The following SLCO3A1 variants were observed in gnomAD, a reference collection of about 807,000 sequenced individuals.
SLCO3A1 encodes the protein PGE1 transporter.
SLCO3A1 carries 27 observed loss-of-function variants against 63.1 expected under a neutral mutation model. That is an observed-to-expected ratio of 0.43 (90% CI 0.32 to 0.59). The LOEUF (loss-of-function observed/expected upper bound fraction) is 0.59. Among genes scored for constraint, SLCO3A1 ranks in the 20% least tolerant of loss-of-function variants. SLCO3A1 has a pLI of 0.09. For missense variants in SLCO3A1, 773 were observed against 945.8 expected (o/e 0.82, Z 2.40); for synonymous variants, 473 against 409.9 (o/e 1.15, Z -1.86).
chr15:91,964,723 A>T (rs7179815), intron 2 of SLCO3A1, among the ~76,000 whole-genome samples: 62,867 of 151,690 alleles, frequency 0.41, 13,144 homozygotes, highest in African/African-American at 0.44. Flanking sequence ...CTGGGTACTA[A>T]CATCCTTTAA....
chr15:92,016,617 G>A (rs2046441234), intron 2 of SLCO3A1, among the ~76,000 whole-genome samples: 1 of 152,200 alleles, frequency 6.6e-6, no homozygotes, highest in Non-Finnish European at 1.5e-5. Context: ...ACTATTGCAT[G>A]GCTTAAAGAA....
chr15:92,145,641 GTT>G (rs2048211923), intron 7 of SLCO3A1, among the ~76,000 whole-genome samples: 2 of 152,096 alleles, frequency 1.3e-5, no homozygotes, highest in African/African-American at 4.8e-5. Context: ...TCTGAGCTGG[GTT>G]TTGACAAAGA....
chr15:91,946,792 G>A (rs1899820667), intron 2 of SLCO3A1, among the ~76,000 whole-genome samples: 1 of 152,262 alleles, frequency 6.6e-6, no homozygotes, highest in East Asian at 1.9e-4. Flanking sequence ...AAGGCCAAGG[G>A]GTAAGAGCAA....
At chr15:92,061,823 G>C (rs202038599) in intron 2 of SLCO3A1, among the ~76,000 whole-genome samples, 3 of 151,796 alleles carry the variant, frequency 2.0e-5, no homozygotes, top group Non-Finnish European at 4.4e-5. Context: ...GTTTGTTTGT[G>C]GATGCACATG....
intron 2 of SLCO3A1, among the ~76,000 whole-genome samples, chr15:92,086,229 T>C (rs535992958): frequency 6.6e-6 from 1 of 152,298 alleles, no homozygotes; most frequent in South Asian, 2.1e-4. Context: ...CAAGGTGTTG[T>C]CCAATTTACA....
chr15:92,028,771 G>A (rs914312864), intron 2 of SLCO3A1, among the ~76,000 whole-genome samples: 2 of 152,166 alleles, frequency 1.3e-5, no homozygotes, highest in African/African-American at 4.8e-5. Flanking sequence ...TTTTCCATTA[G>A]ATCCGAAGCC....
chr15:92,016,250 TAGATTAGATAGATAGA>T (rs2046430423), intron 2 of SLCO3A1, among the ~76,000 whole-genome samples: 1 of 55,522 alleles, frequency 1.8e-5, no homozygotes, highest in African/African-American at 1.1e-4. Flanking sequence ...GATAGATAGA[TAGATTAGATAGATAGA>T]TAGATAGATA....
At chr15:91,970,793 A>G (rs1722637897) in intron 2 of SLCO3A1, among the ~76,000 whole-genome samples, 1 of 152,116 alleles carries the variant, frequency 6.6e-6, no homozygotes, top group Non-Finnish European at 1.5e-5. Flanking sequence ...CAGTCTTCTC[A>G]GGCTAGAAGA....
intron 2 of SLCO3A1, among the ~76,000 whole-genome samples, chr15:91,938,922 G>A (rs1347856011): frequency 6.6e-6 from 1 of 152,210 alleles, no homozygotes; most frequent in Non-Finnish European, 1.5e-5. Flanking sequence ...GTAGGGAAGG[G>A]CAGGCCCCCA....
exon 11 of SLCO3A1, chr15:92,171,911 A>C: frequency 7.1e-7 from 1 of 1,401,106 alleles, no homozygotes; most frequent in Non-Finnish European, 9.9e-7. Flanking sequence ...ACCACCACCC[A>C]CAGACCTCGC....
intron 2 of SLCO3A1, among the ~76,000 whole-genome samples, chr15:92,014,550 G>A (rs753137474): frequency 7.2e-5 from 11 of 152,232 alleles, no homozygotes; most frequent in Non-Finnish European, 1.2e-4. Context: ...GGGGCCTAAT[G>A]GCTAAAAAGC....
intron 1 of SLCO3A1, among the ~76,000 whole-genome samples, chr15:91,914,886 T>A (rs959243568): frequency 6.6e-6 from 1 of 152,176 alleles, no homozygotes; most frequent in Non-Finnish European, 1.5e-5. Flanking sequence ...CTATTTTCTC[T>A]TCCATGATGA....
downstream of SLCO3A1, among the ~76,000 whole-genome samples, chr15:92,166,297 G>C (rs574691222): frequency 6.6e-6 from 1 of 152,118 alleles, no homozygotes; most frequent in Non-Finnish European, 1.5e-5. Context: ...CGGTCCCCCC[G>C]AGGAGCTTGC....
At chr15:91,855,750 A>G (rs1896901179) in intron 1 of SLCO3A1, among the ~76,000 whole-genome samples, 1 of 152,160 alleles carries the variant, frequency 6.6e-6, no homozygotes. Context: ...TTAATAAAAT[A>G]TATGTGGGTC....
intron 2 of SLCO3A1, among the ~76,000 whole-genome samples, chr15:92,037,758 C>T (rs965297145): frequency 6.6e-6 from 1 of 152,212 alleles, no homozygotes; most frequent in Non-Finnish European, 1.5e-5. Context: ...CTTGCTCCAG[C>T]AGTTCATTCA....
At chr15:92,170,597 G>A (rs1029040129), downstream of SLCO3A1, among the ~76,000 whole-genome samples, 3 of 152,202 alleles carry the variant, frequency 2.0e-5, no homozygotes, top group Non-Finnish European at 2.9e-5. Context: ...CACGGAACTA[G>A]CTTCTTATGA....
At chr15:92,002,150 C>T (rs2046262993) in intron 2 of SLCO3A1, among the ~76,000 whole-genome samples, 1 of 152,116 alleles carries the variant, frequency 6.6e-6, no homozygotes, top group African/African-American at 2.4e-5. Flanking sequence ...GATTTTTAAC[C>T]TATGGAGTGG....
intron 2 of SLCO3A1, among the ~76,000 whole-genome samples, chr15:92,038,881 G>A (rs992018996): frequency 1.3e-5 from 2 of 152,106 alleles, no homozygotes; most frequent in African/African-American, 4.8e-5. Context: ...AACCAAAACA[G>A]CATGGTACTG....
intron 2 of SLCO3A1, among the ~76,000 whole-genome samples, chr15:91,935,156 G>A (rs763853375): frequency 2.0e-5 from 3 of 152,158 alleles, no homozygotes; most frequent in Non-Finnish European, 4.4e-5. Context: ...GTTTCACCAT[G>A]TTGGCCAGGA....
Sources: gnomAD v4.1 joint callset for allele counts (sites outside exome capture counted in the v4.1 genomes callset) on GRCh38, gnomAD v4.1.1 for gene constraint, MANE v1.5 for transcripts, NCBI Gene and HGNC (gene_info 2026-07-23, HGNC 2026-07-21) for gene names.